Variants in ACSM5 observed in about 807,000 individuals in gnomAD.
The protein encoded by ACSM5 is acyl-CoA synthetase medium chain family member 5, also known as acyl-coenzyme A synthetase ACSM5, mitochondrial.
ACSM5 carries 56 observed loss-of-function variants against 71.6 expected under a neutral mutation model. That is an observed-to-expected ratio of 0.78 (90% CI 0.63 to 0.98). The LOEUF (loss-of-function observed/expected upper bound fraction) is 0.98, where lower values mean the gene tolerates loss of function less well. ACSM5 is among the 50% of genes least tolerant of loss of function. The pLI, the probability that ACSM5 is intolerant of heterozygous loss-of-function variation, is 0.00. For missense variants in ACSM5, 723 were observed against 726.0 expected (o/e 1.00, Z 0.05); for synonymous variants, 285 against 281.5 (o/e 1.01, Z -0.12).
intron 5 of ACSM5, among the ~76,000 whole-genome samples, chr16:20,421,646 TATATATATATAC>T (rs1395428330): frequency 7.8e-6 from 1 of 127,484 alleles, no homozygotes; most frequent in Admixed American, 7.7e-5. Context: ...TATATATATA[TATATATATATAC>T]ACACACACAT....
rs144954727 is a variant in ACSM5 at position 20,441,312 on chromosome 16, T to C, written c.*885T>C. 2 of 152,304 alleles carry C rather than the reference T, an allele frequency of 1.3e-5. No homozygotes were observed. The highest frequency in any genetic ancestry group is 2.9e-5 in the Non-Finnish European group (2 of 68,036). The allele number at this position is 152,304 out of a possible 1,614,324, so 9.4% of individuals were successfully genotyped here. On this transcript the variant is annotated 3_prime_UTR_variant, in exon 14 of 14. Transcript: ENST00000331849. ...TACGAAGCACATACAACTATTTTAATGAAAAAGTTATGTTAAAGAAAGCAC... is the reference window on the plus strand; with the variant it reads ...TACGAAGCACATACAACTATTTTAACGAAAAAGTTATGTTAAAGAAAGCAC...
chr16:20,420,052 C>G (rs1171846466), intron 4 of ACSM5, among the ~76,000 whole-genome samples: 1 of 152,122 alleles, frequency 6.6e-6, no homozygotes, highest in African/African-American at 2.4e-5. Flanking sequence ...TGGGCAGAGC[C>G]GAGAGCAGAT....
At chr16:20,437,966 C>T (rs1294115211) in intron 12 of ACSM5, among the ~76,000 whole-genome samples, 2 of 151,950 alleles carry the variant, frequency 1.3e-5, no homozygotes, top group African/African-American at 4.8e-5. Context: ...GCTGGGATTA[C>T]AGGCACATGT....
At chr16:20,419,701 A>G (rs1206255858) in intron 4 of ACSM5, 10 of 501,092 alleles carry the variant, frequency 2.0e-5, no homozygotes, top group Non-Finnish European at 3.6e-5. Flanking sequence ...TACCATTCAG[A>G]GTACATGAAA....
At chr16:20,439,591 C>T (rs1967273131) in intron 12 of ACSM5, among the ~76,000 whole-genome samples, 1 of 150,700 alleles carries the variant, frequency 6.6e-6, no homozygotes, top group African/African-American at 2.4e-5. Context: ...TGAAATCATC[C>T]CAGAAAGGTC....
In ACSM5 at chr16:20,434,736, T is replaced by C. The variant is rs59367884; in HGVS notation, c.1309-2316T>C. ...TTTAAAAGTTTGATATAGTCATACA[T>C]AGGCTTTGGCACTTTCTTGTATTTC... On this transcript the variant is annotated intron_variant, in intron 10 of 13. Coordinates refer to ENST00000331849, the MANE Select transcript of ACSM5 (RefSeq NM_017888.3). Among the ~76,000 whole-genome samples the C allele has an allele frequency of 2.6e-4, 40 of 152,350 alleles. No homozygotes were observed. The East Asian group carries it at 5.6e-3, about 21-fold the overall frequency.
chr16:20,421,478 G>T, intron 5 of ACSM5, 77 bp downstream of exon 5: 1 of 1,356,348 alleles, frequency 7.4e-7, no homozygotes, highest in Non-Finnish European at 9.7e-7. Flanking sequence ...TGAGGGGAAA[G>T]GTGTCAGGAA....
rs773000477 is a variant in ACSM5, at chr16:20,418,318, C to T, written c.415+49C>T. On this transcript the variant is annotated intron_variant, in intron 3 of 13. Transcript: ENST00000331849. ...TTAGTTGGGGGCAGACACAACTTGC[C>T]AGAGCTTTGCAGTGTCCACAGGGTC... is the stretch of plus-strand genomic sequence containing the variant. The T allele has an allele frequency of 4.6e-6, 7 of 1,537,038 alleles. No individual in the cohort carries two copies. The Admixed American group carries it at 7.5e-5, about 16-fold the overall frequency.
At chr16:20,428,462 C>A (rs1967031804) in intron 7 of ACSM5, among the ~76,000 whole-genome samples, 1 of 152,222 alleles carries the variant, frequency 6.6e-6, no homozygotes, top group African/African-American at 2.4e-5. Flanking sequence ...AAAGCAACAT[C>A]TTCTAGCAGA....
intron 7 of ACSM5, among the ~76,000 whole-genome samples, chr16:20,428,168 G>A (rs1241286260): frequency 6.6e-6 from 1 of 152,204 alleles, no homozygotes; most frequent in Non-Finnish European, 1.5e-5. Context: ...TAGCACCTGA[G>A]ATAGGCTTCT....
At chr16:20,419,113 G>C (rs7191807) in intron 3 of ACSM5, 115 bp from the exon 4 acceptor site, 70,915 of 811,354 alleles carry the variant, frequency 0.087, 6,176 homozygotes, top group African/African-American at 0.37. Flanking sequence ...TTATTGTTAC[G>C]TCTTCCAGCT....
intron 3 of ACSM5, among the ~76,000 whole-genome samples, chr16:20,418,495 C>T (rs764559766): frequency 3.3e-5 from 5 of 152,096 alleles, no homozygotes; most frequent in Admixed American, 2.0e-4. Flanking sequence ...GTGAGGACTG[C>T]GGCAAACTGG....
At chr16:20,435,381 G>C (rs1446116417) in intron 10 of ACSM5, among the ~76,000 whole-genome samples, 1 of 152,148 alleles carries the variant, frequency 6.6e-6, no homozygotes, top group Non-Finnish European at 1.5e-5. Flanking sequence ...ATGTTGTGTA[G>C]AGTTTTAAGT....
At chr16:20,423,096 G>A (rs1329391439) in intron 5 of ACSM5, among the ~76,000 whole-genome samples, 1 of 152,146 alleles carries the variant, frequency 6.6e-6, no homozygotes, top group Non-Finnish European at 1.5e-5. Context: ...TGTAAAGATG[G>A]TATTTCATAC....
intron 1 of ACSM5, 33 bp downstream of exon 1, chr16:20,409,698 A>G (rs1966843708): frequency 6.6e-6 from 1 of 152,218 alleles, no homozygotes; most frequent in East Asian, 1.9e-4. Context: ...AGACGAAGGT[A>G]TCAGCTGCCT....
At chr16:20,414,312 G>A (rs898881109) in intron 2 of ACSM5, among the ~76,000 whole-genome samples, 3 of 152,142 alleles carry the variant, frequency 2.0e-5, no homozygotes, top group African/African-American at 7.2e-5. Context: ...ATCTGGATGA[G>A]CCTAATATAA....
At chr16:20,434,437 T>C (rs962480640) in intron 10 of ACSM5, among the ~76,000 whole-genome samples, 11 of 152,206 alleles carry the variant, frequency 7.2e-5, no homozygotes, top group African/African-American at 2.7e-4. Context: ...CTCACGACTG[T>C]AATCCTAGCA....
chr16:20,414,724 T>C (rs2141640179), intron 2 of ACSM5, among the ~76,000 whole-genome samples: 1 of 152,256 alleles, frequency 6.6e-6, no homozygotes, highest in South Asian at 2.1e-4. Flanking sequence ...AATTAGGTGA[T>C]GGGTAGAGGC....
At chr16:20,435,490 T>C (rs1967173364) in intron 10 of ACSM5, among the ~76,000 whole-genome samples, 1 of 152,226 alleles carries the variant, frequency 6.6e-6, no homozygotes, top group Non-Finnish European at 1.5e-5. Flanking sequence ...AATTGAGATA[T>C]AATTTACCTA....
Sources: allele counts gnomAD v4.1 joint callset (sites outside exome capture counted in the v4.1 genomes callset), GRCh38; gene constraint gnomAD v4.1.1; transcripts MANE v1.5; gene names NCBI Gene and HGNC (gene_info 2026-07-23, HGNC 2026-07-21).